The following AGFG2 variants were observed in gnomAD, a reference collection of about 807,000 sequenced individuals.
AGFG2 encodes the protein arf-GAP domain and FG repeat-containing protein 2.
AGFG2 carries 31 observed loss-of-function variants against 48.0 expected under a neutral mutation model. That is an observed-to-expected ratio of 0.65 (90% CI 0.49 to 0.87). The LOEUF is 0.87. Ranked by LOEUF, AGFG2 falls within the 40% of genes least tolerant of loss-of-function variation. The probability of loss-of-function intolerance (pLI) is 0.00; values close to 1 mark genes in which losing one functional copy is unlikely to be tolerated. For synonymous variants in AGFG2, 229 were observed against 260.8 expected, an observed-to-expected ratio of 0.88 and a Z score of 1.18; for missense variants, 599 against 632.6, an observed-to-expected ratio of 0.95 and a Z score of 0.57.
chr7:100,565,297 T>G lies in AGFG2; in HGVS notation c.*306T>G. 1.6e-5 allele frequency: 7 copies of G among 447,458 alleles called. No individual in the cohort carries two copies. Among genetic ancestry groups the G allele is most frequent in the East Asian group, 8.8e-5 (2 of 22,644 alleles). The allele number at this position is 447,458 out of a possible 1,614,324, so 27.7% of individuals were successfully genotyped here. On this transcript the variant is annotated 3_prime_UTR_variant, in exon 12 of 12. Transcript: ENST00000300176. ...TGATCAGTCCCCTGTGGAACAGCTC[T>G]TCCCTGGGCCTAGCTCGCCAGCGCT...
At chr7:100,540,447 T>G (rs974275206) in intron 1 of AGFG2, among the ~76,000 whole-genome samples, 1 of 152,164 alleles carries the variant, frequency 6.6e-6, no homozygotes, top group African/African-American at 2.4e-5. Context: ...GTGCATCATC[T>G]GAGTGCTACT....
Position 100,550,389 on chromosome 7 carries a change from C to CTT in AGFG2, c.316-4_316-3dup. The CTT allele has an allele frequency of 6.5e-7, 1 of 1,545,508 alleles. No homozygotes were observed. The highest frequency in any genetic ancestry group is 8.8e-7 in the Non-Finnish European group (1 of 1,137,814). The stretch of plus-strand genomic sequence containing the variant: ...CTCCCACTCCTCTGACACCTTCATT[C>CTT]TTTTAGGTTTGCCGGAAGATTTGGT... On this transcript the variant is annotated splice_region_variant and splice_polypyrimidine_tract_variant and intron_variant, in intron 2 of 11. Coordinates refer to ENST00000300176, the MANE Select transcript of AGFG2 (RefSeq NM_006076.5).
At chr7:100,551,501 G>C (rs1209216461) in intron 3 of AGFG2, among the ~76,000 whole-genome samples, 1 of 151,572 alleles carries the variant, frequency 6.6e-6, no homozygotes, top group South Asian at 2.1e-4. Context: ...CACCGTGCCC[G>C]GCCTTGTTTC....
At chr7:100,541,377 A>G (rs186652669) in intron 1 of AGFG2, among the ~76,000 whole-genome samples, 1 of 152,336 alleles carries the variant, frequency 6.6e-6, no homozygotes, top group African/African-American at 2.4e-5. Context: ...TTGAGAACCC[A>G]AACAGTAATG....
chr7:100,549,141 G>A lies in AGFG2; in HGVS notation c.315+226G>A, dbSNP rs144566766. Reference sequence around the variant, plus strand: ...AGGAGTCAGGGGAAGTAGCAATATCGTTGTAGGATGTGGCACCTGAGCAAT... The same window carrying A: ...AGGAGTCAGGGGAAGTAGCAATATCATTGTAGGATGTGGCACCTGAGCAAT... On this transcript the variant is annotated intron_variant, in intron 2 of 11. Transcript: ENST00000300176. Among the ~76,000 whole-genome samples, 97 of 152,234 alleles carry A rather than the reference G, an allele frequency of 6.4e-4. No homozygotes were observed. The East Asian group carries it at 0.014, about 22-fold the overall frequency.
At chr7:100,559,100 C>T (rs1385009438) in intron 6 of AGFG2, among the ~76,000 whole-genome samples, 3 of 152,042 alleles carry the variant, frequency 2.0e-5, no homozygotes, top group South Asian at 2.1e-4. Flanking sequence ...CGCCACTGCA[C>T]TCTGGGTGAC....
chr7:100,551,071 T>TATATATATA (rs1491536203), intron 3 of AGFG2, among the ~76,000 whole-genome samples: 6 of 90,376 alleles, frequency 6.6e-5, no homozygotes, highest in African/African-American at 1.5e-4. Context: ...TATATATTTC[T>TATATATATA]TTTTTTTTTT....
chr7:100,566,914 G>A lies in AGFG2; in HGVS notation c.*1923G>A, dbSNP rs953560358. 5 of 152,190 alleles carry A rather than the reference G, an allele frequency of 3.3e-5. No homozygotes were observed. Among genetic ancestry groups the A allele is most frequent in the African/African-American group, 1.2e-4 (5 of 41,410 alleles). 9.4% of individuals were successfully genotyped at this position (152,190 alleles called of 1,614,324 possible). Reference sequence around the variant, plus strand: ...ATCTGTTATGGTGTATTAGGGGGAGGAGCCTTTCTGTTATTTCCCCCCAGC... The same window carrying A: ...ATCTGTTATGGTGTATTAGGGGGAGAAGCCTTTCTGTTATTTCCCCCCAGC... On this transcript the variant is annotated 3_prime_UTR_variant, in exon 12 of 12. Transcript: ENST00000300176.
At chr7:100,555,921 T>C in intron 6 of AGFG2, 186 bp downstream of exon 6, 1 of 722,496 alleles carries the variant, frequency 1.4e-6, no homozygotes, top group Non-Finnish European at 2.1e-6. Flanking sequence ...GGCTCTACTG[T>C]TCTGCTTTTT....
At chr7:100,544,418 G>A (rs573584400) in intron 1 of AGFG2, among the ~76,000 whole-genome samples, 165 of 152,216 alleles carry the variant, frequency 1.1e-3, no homozygotes, top group Non-Finnish European at 1.8e-3. Flanking sequence ...TTTCCCTGTC[G>A]GGCTTGCTGG....
rs1288292470 is a variant in AGFG2 at position 100,562,467 on chromosome 7, T to C, written c.998+88T>C. 2 of 1,598,786 alleles carry C rather than the reference T, an allele frequency of 1.3e-6. No homozygotes were observed. Among genetic ancestry groups the C allele is most frequent in the East Asian group, 4.5e-5 (2 of 44,570 alleles). On this transcript the variant is annotated intron_variant, in intron 7 of 11. Transcript: ENST00000300176. The surrounding 1 kb of genome is among the most constrained non-coding windows in gnomAD (Gnocchi z 5.4). ...TCCTCCCAGCCCCATCGGCATCTCC[T>C]GGCAGTTCTCCCCTCCCCTCCTCTC... is the stretch of plus-strand genomic sequence containing the variant.
At position 100,554,194 on chromosome 7, in the gene AGFG2, C is replaced by T. The variant is rs148018854; in HGVS notation, c.687C>T (p.Ile229=). 2.2e-5 allele frequency: 36 copies of T among 1,614,124 alleles called. No homozygotes were observed. The highest frequency in any genetic ancestry group is 1.8e-4 in the South Asian group (16 of 91,090). The change falls in exon 5 of 12, where the codon ATC becomes ATT. Residue 229 remains isoleucine (I), a synonymous_variant. Coordinates refer to ENST00000300176, the MANE Select transcript of AGFG2 (RefSeq NM_006076.5). ...CCAGTACTGACCTGCTGGCTGACAT[C>T]GGTGGAGACCCCTTTGCTGCACCCC... is the stretch of plus-strand genomic sequence containing the variant. ...KKASTDLLAD[I]GGDPFAAPQM...
At chr7:100,544,906 T>C (rs974262428) in intron 1 of AGFG2, among the ~76,000 whole-genome samples, 2 of 152,112 alleles carry the variant, frequency 1.3e-5, no homozygotes, top group Non-Finnish European at 1.5e-5. Context: ...GGAAATGGGT[T>C]GAAGCAGAAT....
rs1398168465 is a variant in AGFG2, at chr7:100,562,891, C to T, written c.1116C>T (p.Ala372=). ...GAFTNPFTAP[A]AQSPLPSTNP... is the part of the protein sequence containing the mutation. ...TCACTAACCCTTTCACAGCTCCCGC[C>T]GCCCAGTCCCCGCTGCCTTCCACCA... The change falls in exon 9 of 12, where the codon GCC becomes GCT. Residue 372 remains alanine (A), a synonymous_variant. Coordinates refer to ENST00000300176, the MANE Select transcript of AGFG2 (RefSeq NM_006076.5). The surrounding 1 kb of genome is among the most constrained non-coding windows in gnomAD (Gnocchi z 5.4). 1.1e-5 allele frequency: 17 copies of T among 1,614,158 alleles called. No individual in the cohort carries two copies. Among genetic ancestry groups the T allele is most frequent in the Admixed American group, 3.3e-5 (2 of 60,024 alleles).
chr7:100,561,497 A>G lies in AGFG2; in HGVS notation c.878-762A>G, dbSNP rs145999740. Among the ~76,000 whole-genome samples the G allele has an allele frequency of 2.0e-3, 302 of 152,332 alleles. 7 individuals carry two copies. In the East Asian group the frequency reaches 0.047, roughly 24 times the overall value. The stretch of plus-strand genomic sequence containing the variant: ...GCCCAGTGTGGTCGATAGGGTCCCA[A>G]GATAGAGACGAGACTTTGATGTGCA... On this transcript the variant is annotated intron_variant, in intron 6 of 11. Coordinates refer to ENST00000300176, the MANE Select transcript of AGFG2 (RefSeq NM_006076.5).
intron 6 of AGFG2, among the ~76,000 whole-genome samples, chr7:100,560,484 C>T (rs895410826): frequency 2.0e-5 from 3 of 152,238 alleles, no homozygotes; most frequent in Admixed American, 1.3e-4. Flanking sequence ...TGGCCCCACC[C>T]AGGTGGCTTT....
chr7:100,549,590 T>C (rs1313271466), intron 2 of AGFG2, among the ~76,000 whole-genome samples: 1 of 152,238 alleles, frequency 6.6e-6, no homozygotes, highest in African/African-American at 2.4e-5. Context: ...ACTGCCCCAT[T>C]GGATTATAAA....
chr7:100,554,047 G>A (rs1366478828), intron 4 of AGFG2, 46 bp from the exon 5 acceptor site: 7 of 1,576,142 alleles, frequency 4.4e-6, no homozygotes, highest in South Asian at 1.2e-5. Context: ...AGGGCCTGGG[G>A]CATGTCTGGG....
chr7:100,550,742 T>C (rs1268031985), intron 3 of AGFG2, among the ~76,000 whole-genome samples: 1 of 152,084 alleles, frequency 6.6e-6, no homozygotes, highest in Non-Finnish European at 1.5e-5. Flanking sequence ...AGTAGACTGA[T>C]TGGAGTCGGG....
Sources: gnomAD v4.1 joint callset for allele counts (sites outside exome capture counted in the v4.1 genomes callset) on GRCh38, gnomAD v4.1.1 for gene constraint, Gnocchi (gnomAD v3.1) non-coding constraint, MANE v1.5 for transcripts, NCBI Gene and HGNC (gene_info 2026-07-23, HGNC 2026-07-21) for gene names.